SMYD3: variants seen among roughly 807,000 people sequenced by gnomAD.
The protein encoded by SMYD3 is SET and MYND domain containing 3.
Under a neutral mutation model 57.7 loss-of-function variants are expected in SMYD3, and 36 were observed. The observed-to-expected ratio is 0.62, with a 90% CI of 0.48 to 0.82. The LOEUF (loss-of-function observed/expected upper bound fraction) is 0.82. SMYD3 is among the 40% of genes least tolerant of loss of function. The pLI is 0.00. For missense variants in SMYD3, 515 were observed against 538.8 expected, an observed-to-expected ratio of 0.96 and a Z score of 0.44; for synonymous variants, 211 against 195.0, an observed-to-expected ratio of 1.08 and a Z score of -0.68.
At chr1:246,210,366 T>C (rs2063066590) in intron 5 of SMYD3, among the ~76,000 whole-genome samples, 3 of 152,234 alleles carry the variant, frequency 2.0e-5, no homozygotes, top group South Asian at 2.1e-4. Flanking sequence ...TGTGAGAACA[T>C]AGGCATGACT....
intron 3 of SMYD3, among the ~76,000 whole-genome samples, chr1:246,334,061 T>TAA (rs60323903): frequency 0.034 from 5,002 of 148,282 alleles, 99 homozygotes; most frequent in Non-Finnish European, 0.04. Context: ...TATTATTAAA[T>TAA]AAAAAAAAAA....
intron 1 of SMYD3, among the ~76,000 whole-genome samples, chr1:246,390,198 A>G (rs1164654684): frequency 7.3e-6 from 1 of 137,236 alleles, no homozygotes; most frequent in East Asian, 2.3e-4. Context: ...TGGGTGACAG[A>G]GCAAGATTCT....
At chr1:245,779,257 G>C (rs2046738622) in intron 10 of SMYD3, among the ~76,000 whole-genome samples, 1 of 151,768 alleles carries the variant, frequency 6.6e-6, no homozygotes. Flanking sequence ...TTGAAGGCTT[G>C]TATCCAAAAT....
intron 5 of SMYD3, among the ~76,000 whole-genome samples, chr1:246,075,477 A>G (rs1160710592): frequency 6.6e-6 from 1 of 152,228 alleles, no homozygotes; most frequent in Non-Finnish European, 1.5e-5. Flanking sequence ...GGAGAAGAGA[A>G]GCTGCCAATC....
At chr1:246,374,071 G>A (rs1466586575) in intron 1 of SMYD3, among the ~76,000 whole-genome samples, 2 of 152,104 alleles carry the variant, frequency 1.3e-5, no homozygotes, top group African/African-American at 4.8e-5. Context: ...ACTGTGATTT[G>A]CTGATGTAGC....
chr1:246,465,178 T>C (rs941154705), intron 1 of SMYD3, among the ~76,000 whole-genome samples: 27 of 152,322 alleles, frequency 1.8e-4, no homozygotes, highest in African/African-American at 6.3e-4. Flanking sequence ...TCCTTCAAGA[T>C]GGTAATTAAT....
intron 1 of SMYD3, among the ~76,000 whole-genome samples, chr1:246,427,292 G>A (rs954726060): frequency 1.4e-4 from 21 of 151,938 alleles, no homozygotes; most frequent in African/African-American, 3.4e-4. Flanking sequence ...AGGCCGAGGC[G>A]GGCGGATCAC....
At chr1:246,385,738 A>G (rs2066466536) in intron 1 of SMYD3, among the ~76,000 whole-genome samples, 1 of 150,812 alleles carries the variant, frequency 6.6e-6, no homozygotes. Context: ...GTGCTTTTCA[A>G]ACAAATCACT....
At chr1:246,335,657 A>G in intron 2 of SMYD3, among the ~76,000 whole-genome samples, 183 bp from the exon 3 acceptor site, 1 of 152,322 alleles carries the variant, frequency 6.6e-6, no homozygotes, top group East Asian at 1.9e-4. Context: ...CCAAATATGC[A>G]ATTACTATGC....
intron 5 of SMYD3, among the ~76,000 whole-genome samples, chr1:246,156,833 TAAA>T (rs1421821561): frequency 6.6e-6 from 1 of 152,078 alleles, no homozygotes; most frequent in Admixed American, 6.6e-5. Context: ...TTACCTACAC[TAAA>T]AAGGAAATCA....
chr1:246,198,124 A>G (rs1445617420), intron 5 of SMYD3, among the ~76,000 whole-genome samples: 1 of 152,154 alleles, frequency 6.6e-6, no homozygotes, highest in Non-Finnish European at 1.5e-5. Flanking sequence ...TTGCTTTCCC[A>G]GTAAGAGAAA....
chr1:246,115,240 G>A (rs780284572), intron 5 of SMYD3, among the ~76,000 whole-genome samples: 7 of 152,200 alleles, frequency 4.6e-5, no homozygotes, highest in Admixed American at 1.3e-4. Context: ...AGGACCAGCT[G>A]AAAGAGTTAG....
chr1:245,886,426 C>T (rs938437801), intron 8 of SMYD3, among the ~76,000 whole-genome samples: 2 of 152,116 alleles, frequency 1.3e-5, no homozygotes, highest in African/African-American at 4.8e-5. Flanking sequence ...ATACAATATC[C>T]TAATTACTGG....
chr1:246,193,680 A>C (rs2062777866), intron 5 of SMYD3: 1 of 152,346 alleles, frequency 6.6e-6, no homozygotes, highest in Non-Finnish European at 1.5e-5. Flanking sequence ...GTTACCTTAG[A>C]CACAGCCCTA....
At chr1:246,420,954 C>A (rs1368485253) in intron 1 of SMYD3, among the ~76,000 whole-genome samples, 1 of 152,126 alleles carries the variant, frequency 6.6e-6, no homozygotes, top group Admixed American at 6.5e-5. Context: ...AGTCCAGTTA[C>A]TATATGTCAA....
intron 2 of SMYD3, among the ~76,000 whole-genome samples, chr1:246,341,828 A>T (rs2065637417): frequency 6.6e-6 from 1 of 152,202 alleles, no homozygotes. Context: ...GTTGGAGTGG[A>T]TATCCATTTT....
At chr1:246,379,250 G>A (rs1391102241) in intron 1 of SMYD3, among the ~76,000 whole-genome samples, 6 of 149,854 alleles carry the variant, frequency 4.0e-5, no homozygotes, top group East Asian at 3.9e-4. Context: ...ACATTACATG[G>A]GTGTAATAAG....
chr1:246,048,551 A>G (rs1284499197), intron 5 of SMYD3, among the ~76,000 whole-genome samples: 2 of 152,110 alleles, frequency 1.3e-5, no homozygotes, highest in Admixed American at 1.3e-4. Flanking sequence ...TTATGCAAAA[A>G]AACTGTATTT....
chr1:246,212,385 C>CA (rs1358608065), intron 5 of SMYD3, among the ~76,000 whole-genome samples: 2 of 151,652 alleles, frequency 1.3e-5, no homozygotes, highest in Non-Finnish European at 2.9e-5. Context: ...TTAGGGTATT[C>CA]AAGAATATTT....
Sources: gnomAD v4.1 joint callset for allele counts (sites outside exome capture counted in the v4.1 genomes callset) on GRCh38, gnomAD v4.1.1 for gene constraint, MANE v1.5 for transcripts, NCBI Gene and HGNC (gene_info 2026-07-23, HGNC 2026-07-21) for gene names.